The following VSNL1 variants were observed in gnomAD, a reference collection of about 807,000 sequenced individuals.
VSNL1 encodes the protein visinin-like protein 1.
In VSNL1, 6 loss-of-function variants were observed where a neutral mutation model predicts 20.4. The observed-to-expected ratio is 0.29, with a 90% CI of 0.16 to 0.58. The LOEUF (loss-of-function observed/expected upper bound fraction) is 0.58. Among genes scored for constraint, VSNL1 ranks in the 20% least tolerant of loss-of-function variants. VSNL1 has a pLI of 0.90. For synonymous variants in VSNL1, 93 were observed against 86.4 expected, an observed-to-expected ratio of 1.08 and a Z score of -0.42; for missense variants, 100 against 234.5, an observed-to-expected ratio of 0.43 and a Z score of 3.75.
rs534425704 is a variant in VSNL1 at position 17,605,029 on chromosome 2, A to C, written c.162+12793A>C. On this transcript the variant is annotated intron_variant, in intron 2 of 3. Coordinates refer to ENST00000295156, the MANE Select transcript of VSNL1 (RefSeq NM_003385.5). ...GACACAGGGTTCTTACAGGGTTTGA[A>C]TCCAGGTTCTGCCCCTTGGGAGCTG... 2.0e-5 allele frequency among the ~76,000 whole-genome samples: 3 copies of C among 152,260 alleles called. No homozygotes were observed. In the South Asian group the frequency reaches 6.2e-4, roughly 32 times the overall value.
chr2:17,615,699 T>A (rs1161303354), intron 2 of VSNL1, among the ~76,000 whole-genome samples: 1 of 152,242 alleles, frequency 6.6e-6, no homozygotes, highest in East Asian at 1.9e-4. Flanking sequence ...TCTCTTGGTC[T>A]CTCCCTCGTG....
intron 1 of VSNL1, among the ~76,000 whole-genome samples, chr2:17,581,999 AAAG>A (rs1440663847): frequency 2.6e-5 from 4 of 152,202 alleles, no homozygotes; most frequent in South Asian, 2.1e-4. Flanking sequence ...GTAATTTGCA[AAAG>A]AAGAAGTAGC....
At chr2:17,602,773 AAAT>A (rs1481769179) in intron 2 of VSNL1, among the ~76,000 whole-genome samples, 1 of 146,742 alleles carries the variant, frequency 6.8e-6, no homozygotes, top group African/African-American at 2.4e-5. Flanking sequence ...TAAAATAAAA[AAAT>A]AAAATAAAAT....
At chr2:17,593,224 G>T (rs912738740) in intron 2 of VSNL1, among the ~76,000 whole-genome samples, 1 of 152,140 alleles carries the variant, frequency 6.6e-6, no homozygotes, top group Admixed American at 6.5e-5. Context: ...GAAGGGGCAT[G>T]TGTAAGAATA....
rs559284641 is a variant in VSNL1, at chr2:17,546,165, C to T, written c.-6+5247C>T. ...AAAGTAGATCTCTTTTACTTAAAAA[C>T]GATTTTATTTTTATGAGGCATTGCT... On this transcript the variant is annotated intron_variant, in intron 1 of 3. Coordinates refer to ENST00000295156, the MANE Select transcript of VSNL1 (RefSeq NM_003385.5). 8 of 152,028 alleles carry T rather than the reference C, an allele frequency of 5.3e-5. No homozygotes were observed. In the South Asian group the frequency reaches 8.3e-4, roughly 16 times the overall value. The allele number at this position is 152,028 out of a possible 1,614,324, so 9.4% of individuals were successfully genotyped here.
chr2:17,540,116 C>G (rs1021958443), upstream of VSNL1: 2 of 152,336 alleles, frequency 1.3e-5, no homozygotes, highest in African/African-American at 4.8e-5. Flanking sequence ...GTACTCCTAG[C>G]AGAAGACCCT....
intron 2 of VSNL1, among the ~76,000 whole-genome samples, chr2:17,638,269 C>T (rs1665800625): frequency 6.6e-6 from 1 of 152,174 alleles, no homozygotes; most frequent in South Asian, 2.1e-4. Context: ...AGCAGTGGAA[C>T]CTACTTCATA....
intron 2 of VSNL1, among the ~76,000 whole-genome samples, chr2:17,608,181 T>C (rs936024897): frequency 1.5e-4 from 23 of 152,236 alleles, no homozygotes; most frequent in African/African-American, 5.5e-4. Context: ...ACTGAAATGA[T>C]TTTCTTTTAG....
chr2:17,649,353 T>G lies in VSNL1; in HGVS notation c.163-57T>G. 1 of 1,553,714 alleles carries G rather than the reference T, an allele frequency of 6.4e-7. No homozygotes were observed. Among genetic ancestry groups the G allele is most frequent in the South Asian group, 1.1e-5 (1 of 89,558 alleles). On this transcript the variant is annotated intron_variant, in intron 2 of 3. Transcript: ENST00000295156. The surrounding 1 kb of genome is among the most constrained non-coding windows in gnomAD (Gnocchi z 6.4). Reference sequence around the variant, plus strand: ...GTGATGCCGTCATTAGGAACCTACCTCGTCGCCCCGATTCCATCCCCTCCC... The same window carrying G: ...GTGATGCCGTCATTAGGAACCTACCGCGTCGCCCCGATTCCATCCCCTCCC...
chr2:17,637,838 A>G (rs1665790243), intron 2 of VSNL1, among the ~76,000 whole-genome samples: 1 of 152,146 alleles, frequency 6.6e-6, no homozygotes, highest in Non-Finnish European at 1.5e-5. Flanking sequence ...GCTCCTGGTA[A>G]ATATTCCAAC....
intron 1 of VSNL1, among the ~76,000 whole-genome samples, chr2:17,579,111 T>C (rs1233632081): frequency 6.6e-6 from 1 of 152,048 alleles, no homozygotes; most frequent in East Asian, 1.9e-4. Flanking sequence ...TTTCTTTCTT[T>C]CTTTTTTTTT....
At chr2:17,618,502 T>G (rs1665272708) in intron 2 of VSNL1, among the ~76,000 whole-genome samples, 1 of 152,236 alleles carries the variant, frequency 6.6e-6, no homozygotes, top group Non-Finnish European at 1.5e-5. Flanking sequence ...TTTCCACATT[T>G]GCAGGTCATT....
chr2:17,609,557 T>A (rs1665033912), intron 2 of VSNL1, among the ~76,000 whole-genome samples: 2 of 152,204 alleles, frequency 1.3e-5, no homozygotes, highest in South Asian at 4.1e-4. Context: ...GATGTGCAGC[T>A]ATGTCAGCTT....
At chr2:17,573,774 T>C (rs1350959177) in intron 1 of VSNL1, among the ~76,000 whole-genome samples, 1 of 152,210 alleles carries the variant, frequency 6.6e-6, no homozygotes, top group African/African-American at 2.4e-5. Context: ...GAAGAGAATA[T>C]TGGATTTGGA....
chr2:17,540,203 C>G (rs781346309), upstream of VSNL1: 3 of 152,380 alleles, frequency 2.0e-5, no homozygotes, highest in East Asian at 1.9e-4. Context: ...TCACAGCTTG[C>G]TGGGAAGTCT....
intron 1 of VSNL1, among the ~76,000 whole-genome samples, chr2:17,545,593 C>A (rs1663389001): frequency 6.6e-6 from 1 of 152,100 alleles, no homozygotes; most frequent in Admixed American, 6.5e-5. Flanking sequence ...CACATCATTG[C>A]ATTTCTCATT....
intron 1 of VSNL1, among the ~76,000 whole-genome samples, chr2:17,581,657 G>T (rs990184995): frequency 6.6e-6 from 1 of 152,160 alleles, no homozygotes; most frequent in African/African-American, 2.4e-5. Context: ...AAGAAGCTTT[G>T]TTGCTGGTTT....
chr2:17,584,268 G>A (rs1304713135), intron 1 of VSNL1, among the ~76,000 whole-genome samples: 1 of 152,106 alleles, frequency 6.6e-6, no homozygotes, highest in Non-Finnish European at 1.5e-5. Context: ...AAGGGAAACT[G>A]AGTCTGAGTA....
intron 3 of VSNL1, among the ~76,000 whole-genome samples, chr2:17,654,528 T>C (rs1018530360): frequency 6.6e-6 from 1 of 152,208 alleles, no homozygotes; most frequent in Non-Finnish European, 1.5e-5. Flanking sequence ...GAGCCCATCA[T>C]GTTCCTCCCT....
Sources: allele counts gnomAD v4.1 joint callset (sites outside exome capture counted in the v4.1 genomes callset), GRCh38; gene constraint gnomAD v4.1.1; non-coding constraint Gnocchi (gnomAD v3.1); transcripts MANE v1.5; gene names NCBI Gene and HGNC (gene_info 2026-07-23, HGNC 2026-07-21).